SORL1: variants seen among roughly 807,000 people sequenced by gnomAD.
The protein encoded by SORL1 is sortilin related receptor 1.
SORL1 carries 127 observed loss-of-function variants against 273.7 expected under a neutral mutation model. The ratio of observed to expected loss-of-function variants is 0.46; its 90% CI spans 0.40 to 0.54. The LOEUF is 0.54. Ranked by LOEUF, SORL1 falls within the 20% of genes least tolerant of loss-of-function variation. SORL1 has a pLI of 0.00. For synonymous variants in SORL1, 1,031 were observed against 1,067.4 expected (o/e 0.97, Z 0.66); for missense variants, 2,494 against 2,846.1 (o/e 0.88, Z 2.81).
intron 12 of SORL1, among the ~76,000 whole-genome samples, chr11:121,541,501 C>T (rs551565274): frequency 3.3e-4 from 50 of 152,290 alleles, no homozygotes; most frequent in South Asian, 1.5e-3. Context: ...TGTGCCACCA[C>T]GCCTAGCCAA....
chr11:121,616,169 ATC>A (rs1051009610), intron 41 of SORL1, among the ~76,000 whole-genome samples: 1 of 152,056 alleles, frequency 6.6e-6, no homozygotes, highest in Non-Finnish European at 1.5e-5. Flanking sequence ...ACCCCCAACT[ATC>A]TCTCCAGAGT....
intron 17 of SORL1, 81 bp from the exon 18 acceptor site, chr11:121,555,106 A>G (rs1862558292): frequency 7.1e-7 from 1 of 1,405,840 alleles, no homozygotes; most frequent in Non-Finnish European, 9.5e-7. Flanking sequence ...AGTTGAATAA[A>G]GGGTTACCCT....
At position 121,520,647 on chromosome 11, in the gene SORL1, C is replaced by A. The variant is rs1483963987; in HGVS notation, c.1212-10C>A. On this transcript the variant is annotated splice_polypyrimidine_tract_variant and intron_variant, in intron 8 of 47. Transcript: ENST00000260197. Reference sequence around the variant, plus strand: ...ATTCAGGTTCATAGCTGTTTATTTTCATATTGTAGGTATTTTGCAAATGAA... The same window carrying A: ...ATTCAGGTTCATAGCTGTTTATTTTAATATTGTAGGTATTTTGCAAATGAA... The A allele has an allele frequency of 9.1e-6, 14 of 1,539,598 alleles. No individual in the cohort carries two copies. The highest frequency in any genetic ancestry group is 2.8e-5 in the African/African-American group (2 of 71,846).
chr11:121,519,966 T>C (rs1414692384), intron 8 of SORL1, among the ~76,000 whole-genome samples: 3 of 152,182 alleles, frequency 2.0e-5, no homozygotes, highest in African/African-American at 7.2e-5. Context: ...TAGCAGATTA[T>C]CTGGCTGGAC....
intron 25 of SORL1, among the ~76,000 whole-genome samples, chr11:121,582,909 G>C (rs1309278503): frequency 6.6e-6 from 1 of 152,104 alleles, no homozygotes; most frequent in Admixed American, 6.5e-5. Context: ...AGGGCCCTTA[G>C]GTTTCACTGT....
At chr11:121,539,043 C>G (rs1862308921) in intron 12 of SORL1, among the ~76,000 whole-genome samples, 1 of 152,196 alleles carries the variant, frequency 6.6e-6, no homozygotes, top group South Asian at 2.1e-4. Flanking sequence ...GATTCGCCTT[C>G]CAGATCCCTA....
intron 33 of SORL1, among the ~76,000 whole-genome samples, chr11:121,604,553 A>ATT (rs11288922): frequency 5.9e-4 from 87 of 148,652 alleles, no homozygotes; most frequent in African/African-American, 2.0e-3. Context: ...CTAGTCTTGG[A>ATT]TTTTTTTTTT....
Position 121,452,467 on chromosome 11 carries a change from C to T in SORL1, c.136C>T (p.Arg46Trp), listed in dbSNP as rs200826396. Residue 46 changes from arginine to tryptophan, a missense_variant, in exon 1 of 48, where the codon CGG becomes TGG. By Grantham distance (101) the Arg-to-Trp change is moderately radical. Around this residue, in one of 3 missense-constraint regions of SORL1, gnomAD observed 175 missense variants for 147.1 expected, o/e 1.19. Transcript: ENST00000260197. The surrounding 1 kb of genome is among the most constrained non-coding windows in gnomAD (Gnocchi z 5.3). Reference protein sequence around the residue: ...HGGSAPLPQDRGFLVVQGDPR... With the variant: ...HGGSAPLPQDWGFLVVQGDPR... ...CGGCAGCGCGCCCTTGCCCCAGGAC[C>T]GGGGCTTCCTCGTGGTGCAGGGCGA... The T allele has an allele frequency of 6.6e-7, 1 of 1,507,154 alleles. No individual in the cohort carries two copies. The highest frequency in any genetic ancestry group is 8.9e-7 in the Non-Finnish European group (1 of 1,128,914). 93.4% of individuals were successfully genotyped at this position (1,507,154 alleles called of 1,614,324 possible). A position where few individuals can be genotyped will look rare whatever the true frequency, so the allele number is the denominator to read the frequency against.
intron 22 of SORL1, among the ~76,000 whole-genome samples, chr11:121,567,446 C>T (rs1862770857): frequency 2.6e-5 from 4 of 152,320 alleles, no homozygotes; most frequent in African/African-American, 9.6e-5. Flanking sequence ...CCTCACCCAT[C>T]CCTCACATCC....
intron 2 of SORL1, among the ~76,000 whole-genome samples, chr11:121,474,907 G>A (rs570798107): frequency 6.6e-6 from 1 of 152,370 alleles, no homozygotes; most frequent in Non-Finnish European, 1.5e-5. Flanking sequence ...CTGTGCACCA[G>A]CTTTAAGCAT....
chr11:121,467,952 G>C (rs2134779096), intron 1 of SORL1, among the ~76,000 whole-genome samples: 1 of 152,270 alleles, frequency 6.6e-6, no homozygotes, highest in Non-Finnish European at 1.5e-5. Flanking sequence ...AAAAGAGTTT[G>C]ATCCTGGATC....
intron 3 of SORL1, among the ~76,000 whole-genome samples, chr11:121,485,292 A>T (rs2134806441): frequency 6.6e-6 from 1 of 152,250 alleles, no homozygotes; most frequent in South Asian, 2.1e-4. Flanking sequence ...ACAAGGTAAG[A>T]CCTATGAATG....
chr11:121,533,512 G>A (rs367611066), intron 12 of SORL1, among the ~76,000 whole-genome samples: 37 of 152,240 alleles, frequency 2.4e-4, no homozygotes, highest in African/African-American at 6.7e-4. Flanking sequence ...CCTTTGGCTC[G>A]TTTCTGAATG....
rs759389551 is a variant in SORL1 at position 121,497,078 on chromosome 11, A to G, written c.939+29A>G. Reference sequence around the variant, plus strand: ...AGTTGAATGTACTAAAGAATAAACTACTTTTGAGTTTCCTTTGTGAAGTTT... The same window carrying G: ...AGTTGAATGTACTAAAGAATAAACTGCTTTTGAGTTTCCTTTGTGAAGTTT... On this transcript the variant is annotated intron_variant, in intron 6 of 47. Coordinates refer to ENST00000260197, the MANE Select transcript of SORL1 (RefSeq NM_003105.6). 8 of 1,585,326 alleles carry G rather than the reference A, an allele frequency of 5.0e-6. No individual in the cohort carries two copies. In the African/African-American group the frequency reaches 5.4e-5, roughly 11 times the overall value.
At chr11:121,471,464 T>C (rs1413166763) in intron 2 of SORL1, among the ~76,000 whole-genome samples, 1 of 152,130 alleles carries the variant, frequency 6.6e-6, no homozygotes, top group Non-Finnish European at 1.5e-5. Flanking sequence ...GACTCCTCCT[T>C]GTGGGTGAGA....
rs1411343467 is a variant in SORL1 at position 121,627,328 on chromosome 11, G to A, written c.6365-227G>A. On this transcript the variant is annotated intron_variant, in intron 46 of 47. Coordinates refer to ENST00000260197, the MANE Select transcript of SORL1 (RefSeq NM_003105.6). This position sits in a 1 kb window ranked among gnomAD's most constrained non-coding sequence, Gnocchi z 4.9. The stretch of plus-strand genomic sequence containing the variant: ...ACAAGGCAGTGATTAGGAGTCTAAT[G>A]TAATTACCATATTTGCATGCACAAG... The A allele has an allele frequency of 5.3e-6, 3 of 570,772 alleles. No individual in the cohort carries two copies. Among genetic ancestry groups the A allele is most frequent in the African/African-American group, 3.7e-5 (2 of 53,334 alleles). 35.4% of individuals were successfully genotyped at this position (570,772 alleles called of 1,614,324 possible). A position where few individuals can be genotyped will look rare whatever the true frequency, so the allele number is the denominator to read the frequency against.
At chr11:121,574,139 C>A (rs1862888975) in intron 23 of SORL1, 102 bp from the exon 24 acceptor site, 5 of 1,153,778 alleles carry the variant, frequency 4.3e-6, no homozygotes, top group South Asian at 2.7e-5. Context: ...ACAATTAATA[C>A]CTGCTTTCTT....
At chr11:121,530,299 G>T (rs1862183963) in intron 11 of SORL1, among the ~76,000 whole-genome samples, 1 of 152,188 alleles carries the variant, frequency 6.6e-6, no homozygotes, top group African/African-American at 2.4e-5. Context: ...ATAGCCTAAA[G>T]AAATTCCTAT....
chr11:121,556,805 A>G (rs1266352896), intron 18 of SORL1, among the ~76,000 whole-genome samples: 2 of 152,220 alleles, frequency 1.3e-5, no homozygotes, highest in Non-Finnish European at 2.9e-5. Flanking sequence ...AAGAGCAGAC[A>G]GCAGTGAGTC....
Sources: gnomAD v4.1 joint callset for allele counts (sites outside exome capture counted in the v4.1 genomes callset) on GRCh38, gnomAD v4.1.1 for gene constraint, gnomAD v4.1.1 regional missense constraint, Gnocchi (gnomAD v3.1) non-coding constraint, MANE v1.5 for transcripts, NCBI Gene and HGNC (gene_info 2026-07-23, HGNC 2026-07-21) for gene names.